Variants in SAMMSON observed in about 807,000 individuals in gnomAD.
The protein encoded by SAMMSON is long intergenic non-protein coding RNA 1212.
intron 7 of SAMMSON, among the ~76,000 whole-genome samples, chr3:70,304,950 T>A (rs1702385580): frequency 6.6e-6 from 1 of 152,160 alleles, no homozygotes; most frequent in Non-Finnish European, 1.5e-5. Context: ...TACTCTGAGC[T>A]GTACTATCTT....
chr3:70,040,932 T>G (rs115587902), intron 3 of SAMMSON, among the ~76,000 whole-genome samples: 80 of 152,258 alleles, frequency 5.3e-4, no homozygotes, highest in African/African-American at 1.9e-3. Flanking sequence ...TAAATCCAGA[T>G]ATCGTCTCAA....
chr3:70,279,508 C>A (rs1270895617), intron 6 of SAMMSON, among the ~76,000 whole-genome samples: 1 of 152,152 alleles, frequency 6.6e-6, no homozygotes, highest in East Asian at 1.9e-4. Context: ...TTTCTCAGTT[C>A]TCCTCCACTA....
chr3:70,125,168 T>C (rs1193051851), intron 4 of SAMMSON: 3 of 1,577,588 alleles, frequency 1.9e-6, no homozygotes, highest in African/African-American at 2.7e-5. Context: ...ATTAGCTTCC[T>C]TTAAGGCTTT....
chr3:70,390,996 C>T (rs1701042898), downstream of SAMMSON, among the ~76,000 whole-genome samples: 1 of 152,054 alleles, frequency 6.6e-6, no homozygotes, highest in South Asian at 2.1e-4. Flanking sequence ...CCTATTGTGT[C>T]ATTAGAATTT....
intron 4 of SAMMSON, among the ~76,000 whole-genome samples, chr3:70,108,423 C>CTTTTTTTTTTCTTTTTTTTTTTTTTTTT (rs2067375666): frequency 1.1e-5 from 1 of 89,374 alleles, no homozygotes; most frequent in African/African-American, 4.1e-5. Context: ...CTTGCGGTTC[C>CTTTTTTTTTTCTTTTTTTTTTTTTTTTT]TTTTTTTTTT....
chr3:70,056,568 T>C (rs985113290), intron 3 of SAMMSON, among the ~76,000 whole-genome samples: 2 of 151,688 alleles, frequency 1.3e-5, no homozygotes, highest in Non-Finnish European at 2.9e-5. Flanking sequence ...TCTCTCTCTC[T>C]CCCCCTCTCT....
intron 4 of SAMMSON, chr3:70,127,157 A>C (rs2067462700): frequency 6.6e-6 from 1 of 152,208 alleles, no homozygotes; most frequent in Non-Finnish European, 1.5e-5. Flanking sequence ...TCTATGTTTC[A>C]GAGAAATTGG....
intron 4 of SAMMSON, among the ~76,000 whole-genome samples, chr3:70,137,987 C>T (rs1260522804): frequency 1.3e-5 from 2 of 152,084 alleles, no homozygotes; most frequent in Non-Finnish European, 2.9e-5. Context: ...TTGCTATTGT[C>T]ATTATAAGCA....
chr3:70,141,231 C>T (rs2106680895), intron 4 of SAMMSON, among the ~76,000 whole-genome samples: 1 of 152,230 alleles, frequency 6.6e-6, no homozygotes, highest in Admixed American at 6.5e-5. Context: ...TGAAAATTGG[C>T]TCACACAATC....
chr3:70,324,950 G>C (rs544758055), intron 7 of SAMMSON, among the ~76,000 whole-genome samples: 2 of 150,860 alleles, frequency 1.3e-5, no homozygotes, highest in African/African-American at 4.9e-5. Context: ...GATACGATTA[G>C]GAAAAAAAGG....
intron 4 of SAMMSON, chr3:70,072,080 TCTC>T (rs1202189273): frequency 6.6e-6 from 1 of 151,934 alleles, no homozygotes; most frequent in East Asian, 1.9e-4. Context: ...AAAGGTACTC[TCTC>T]CTCTTTCTTT....
At chr3:70,411,437 T>A (rs1575643939) in intron 2 of SAMMSON, among the ~76,000 whole-genome samples, 1 of 152,324 alleles carries the variant, frequency 6.6e-6, no homozygotes, top group East Asian at 1.9e-4. Context: ...ATTCAGCATA[T>A]CCACTTATAA....
chr3:70,103,449 G>C (rs546998075), intron 4 of SAMMSON, among the ~76,000 whole-genome samples: 1 of 152,184 alleles, frequency 6.6e-6, no homozygotes, highest in Non-Finnish European at 1.5e-5. Context: ...AAATGGCAGA[G>C]CAAACTTCTT....
intron 3 of SAMMSON, among the ~76,000 whole-genome samples, chr3:70,031,930 G>A (rs1309615017): frequency 6.6e-6 from 1 of 152,212 alleles, no homozygotes; most frequent in East Asian, 1.9e-4. Context: ...TTATCAAAAA[G>A]CAACAGCTAT....
At chr3:70,297,751 A>G (rs188601316) in intron 7 of SAMMSON, among the ~76,000 whole-genome samples, 5 of 152,170 alleles carry the variant, frequency 3.3e-5, no homozygotes, top group Admixed American at 2.6e-4. Flanking sequence ...GAAGTCAGGT[A>G]ATTTGTAAAG....
chr3:70,394,782 C>A (rs534947896), downstream of SAMMSON, among the ~76,000 whole-genome samples: 3 of 152,258 alleles, frequency 2.0e-5, no homozygotes, highest in South Asian at 6.2e-4. Context: ...TATAAACCCA[C>A]CCATCATGGG....
intron 2 of SAMMSON, among the ~76,000 whole-genome samples, chr3:70,418,744 G>A (rs1701284586): frequency 6.6e-6 from 1 of 152,190 alleles, no homozygotes; most frequent in Admixed American, 6.5e-5. Flanking sequence ...AAACCCAGCA[G>A]TGTATAATTC....
At chr3:70,397,657 T>C (rs1310817108) in intron 2 of SAMMSON, among the ~76,000 whole-genome samples, 1 of 152,162 alleles carries the variant, frequency 6.6e-6, no homozygotes, top group African/African-American at 2.4e-5. Flanking sequence ...ATTTCATTTT[T>C]ATTTCATCTA....
At chr3:70,432,498 T>G (rs918826703) in intron 2 of SAMMSON, among the ~76,000 whole-genome samples, 1 of 151,936 alleles carries the variant, frequency 6.6e-6, no homozygotes, top group African/African-American at 2.4e-5. Flanking sequence ...AACTATATTT[T>G]CATAGCAGTT....
Sources: gnomAD v4.1 joint callset for allele counts (sites outside exome capture counted in the v4.1 genomes callset) on GRCh38, gnomAD v4.1.1 for gene constraint, MANE v1.5 for transcripts, NCBI Gene and HGNC (gene_info 2026-07-23, HGNC 2026-07-21) for gene names.